ASTL: variants seen among roughly 807,000 people sequenced by gnomAD.
The protein encoded by ASTL is astacin like metalloendopeptidase, also known as astacin-like metalloendopeptidase.
ASTL carries 27 observed loss-of-function variants against 36.7 expected under a neutral mutation model. The observed-to-expected ratio is 0.73, with a 90% CI of 0.54 to 1.01. The LOEUF (loss-of-function observed/expected upper bound fraction) is 1.01, where lower values mean the gene tolerates loss of function less well. Ranked by LOEUF, ASTL falls within the 50% of genes least tolerant of loss-of-function variation. The pLI, the probability that ASTL is intolerant of heterozygous loss-of-function variation, is 0.00. For synonymous variants in ASTL, 222 were observed against 228.1 expected (o/e 0.97, Z 0.24); for missense variants, 524 against 572.8 (o/e 0.91, Z 0.87).
intron 8 of ASTL, among the ~76,000 whole-genome samples, chr2:96,127,975 G>C (rs1011426926): frequency 6.6e-6 from 1 of 152,170 alleles, no homozygotes; most frequent in Non-Finnish European, 1.5e-5. Flanking sequence ...GCTCACACCT[G>C]TAATCCCAGC....
Position 96,133,312 on chromosome 2 carries a change from G to C in ASTL, c.455+113C>G, listed in dbSNP as rs1156776464. 4.9e-6 allele frequency: 4 copies of C among 813,362 alleles called. No homozygotes were observed. In the African/African-American group the frequency reaches 6.7e-5, roughly 14 times the overall value. The allele number at this position is 813,362 out of a possible 1,614,324, so 50.4% of individuals were successfully genotyped here. On this transcript the variant is annotated intron_variant, in intron 5 of 8. Coordinates refer to ENST00000342380, the MANE Select transcript of ASTL (RefSeq NM_001002036.4). ...TTGGCAGACCCCTCAGGGTGGGCAG[G>C]GAGACTGAGCCCTGGAGGATGGGCC...
chr2:96,135,006 C>G (rs1447781192), intron 3 of ASTL, among the ~76,000 whole-genome samples: 1 of 152,214 alleles, frequency 6.6e-6, no homozygotes, highest in East Asian at 1.9e-4. Context: ...ACTGGCCACT[C>G]TGCCAACCCT....
At position 96,132,156 on chromosome 2, in the gene ASTL, C is replaced by T. The variant is rs1228707151; in HGVS notation, c.637+384G>A. Among the ~76,000 whole-genome samples the T allele has an allele frequency of 1.3e-5, 2 of 152,230 alleles. No individual in the cohort carries two copies. Among genetic ancestry groups the T allele is most frequent in the Non-Finnish European group, 2.9e-5 (2 of 68,044 alleles). On this transcript the variant is annotated intron_variant, in intron 6 of 8. Transcript: ENST00000342380. The surrounding 1 kb of genome is among the most constrained non-coding windows in gnomAD (Gnocchi z 5.4). ...TTTGGCTCAGCTCCCCAAGCTGGCA[C>T]ACAGCCCCAGTCCATGGTGGTGGTA...
chr2:96,135,061 C>T (rs777811071), intron 3 of ASTL, among the ~76,000 whole-genome samples: 31 of 152,242 alleles, frequency 2.0e-4, no homozygotes, highest in Non-Finnish European at 2.2e-4. Context: ...GTGCTGAGCA[C>T]CTCCCCTGGG....
rs575107981 is a variant in ASTL at position 96,132,655 on chromosome 2, C to T, written c.522G>A (p.Gln174=). The change falls in exon 6 of 9, where the codon CAG becomes CAA. Residue 174 remains glutamine (Q), a synonymous_variant. Transcript: ENST00000342380. The surrounding 1 kb of genome is among the most constrained non-coding windows in gnomAD (Gnocchi z 5.4). Reference sequence around the variant, plus strand: ...CATGAAGGACAATGCCCCGGCCCTTCTGGAGACACGTGGGCGCCAGGGAGA... The same window carrying T: ...CATGAAGGACAATGCCCCGGCCCTTTTGGAGACACGTGGGCGCCAGGGAGA... ...QVVSLAPTCL[Q]KGRGIVLHEL... is the part of the protein sequence containing the mutation. 2.5e-6 allele frequency: 4 copies of T among 1,613,626 alleles called. No individual in the cohort carries two copies. The highest frequency in any genetic ancestry group is 1.1e-5 in the South Asian group (1 of 91,080).
chr2:96,126,276 G>T (rs1010313588), intron 8 of ASTL, among the ~76,000 whole-genome samples: 12 of 152,222 alleles, frequency 7.9e-5, no homozygotes, highest in African/African-American at 2.7e-4. Flanking sequence ...TCTGATGAGG[G>T]ACATGTGTCT....
intron 3 of ASTL, 107 bp downstream of exon 3, chr2:96,135,244 T>C: frequency 1.2e-6 from 1 of 837,658 alleles, no homozygotes; most frequent in Non-Finnish European, 2.0e-6. Flanking sequence ...TACCAAGCTA[T>C]GTATGTCCCT....
At chr2:96,134,240 A>G (rs1229374428) in intron 3 of ASTL, among the ~76,000 whole-genome samples, 182 bp from the exon 4 acceptor site, 1 of 152,214 alleles carries the variant, frequency 6.6e-6, no homozygotes, top group Non-Finnish European at 1.5e-5. Flanking sequence ...CAGCTACATG[A>G]ACCTTGATGC....
chr2:96,130,172 A>C, intron 6 of ASTL, 27 bp from the exon 7 acceptor site: 1 of 1,574,914 alleles, frequency 6.3e-7, no homozygotes, highest in Non-Finnish European at 8.7e-7. Flanking sequence ...AATACAACTT[A>C]CTGATATATA....
Position 96,132,393 on chromosome 2 carries a change from C to T in ASTL, c.637+147G>A, listed in dbSNP as rs1024066340. The stretch of plus-strand genomic sequence containing the variant: ...CCACCTCCAGGTACCAGGTACCAGA[C>T]AGAAGTGAGACCCCCACCTTCCCCA... On this transcript the variant is annotated intron_variant, in intron 6 of 8. Transcript: ENST00000342380. This position sits in a 1 kb window ranked among gnomAD's most constrained non-coding sequence, Gnocchi z 5.4. 1 of 714,322 alleles carries T rather than the reference C, an allele frequency of 1.4e-6. No individual in the cohort carries two copies. Among genetic ancestry groups the T allele is most frequent in the Non-Finnish European group, 2.2e-6 (1 of 446,856 alleles). The allele number at this position is 714,322 out of a possible 1,614,324, so 44.2% of individuals were successfully genotyped here. A position where few individuals can be genotyped will look rare whatever the true frequency, so the allele number is the denominator to read the frequency against.
At chr2:96,137,748 G>A (rs368941593) in intron 1 of ASTL, 48 bp from the exon 2 acceptor site, 45 of 1,578,726 alleles carry the variant, frequency 2.9e-5, no homozygotes, top group African/African-American at 9.4e-5. Context: ...AGCACCCACC[G>A]GTGAGACCAG....
chr2:96,125,106 T>C (rs904585129), intron 8 of ASTL, among the ~76,000 whole-genome samples: 3 of 152,120 alleles, frequency 2.0e-5, no homozygotes, highest in Non-Finnish European at 4.4e-5. Context: ...AGCATCATCC[T>C]ACACCAGCCC....
At chr2:96,131,782 C>T (rs542855260) in intron 6 of ASTL, among the ~76,000 whole-genome samples, 9 of 152,264 alleles carry the variant, frequency 5.9e-5, no homozygotes, top group South Asian at 4.1e-4. Context: ...TCGTGCTGGA[C>T]GCCCTCCACC....
intron 8 of ASTL, among the ~76,000 whole-genome samples, chr2:96,129,047 A>G (rs915305435): frequency 6.6e-6 from 1 of 152,190 alleles, no homozygotes; most frequent in Non-Finnish European, 1.5e-5. Flanking sequence ...CTTTAAAAAA[A>G]AAAAAGAAAA....
intron 8 of ASTL, among the ~76,000 whole-genome samples, chr2:96,129,106 GATTA>G (rs1682118323): frequency 6.6e-6 from 1 of 151,534 alleles, no homozygotes; most frequent in Non-Finnish European, 1.5e-5. Flanking sequence ...GGAATTTATA[GATTA>G]ATTTGGGAAG....
At chr2:96,138,286 C>G (rs1276795259) in intron 1 of ASTL, 96 bp downstream of exon 1, 3 of 1,195,082 alleles carry the variant, frequency 2.5e-6, no homozygotes, top group Non-Finnish European at 3.6e-6. Flanking sequence ...CTGAGCTCAG[C>G]TACAATCCCT....
intron 8 of ASTL, 139 bp downstream of exon 8, chr2:96,129,685 C>T: frequency 1.4e-6 from 1 of 702,504 alleles, no homozygotes; most frequent in Non-Finnish European, 2.2e-6. Context: ...AGTGCTTGTT[C>T]TGCGTCGTTG....
intron 8 of ASTL, among the ~76,000 whole-genome samples, chr2:96,126,712 C>T (rs866589623): frequency 3.9e-5 from 6 of 152,068 alleles, no homozygotes; most frequent in Middle Eastern, 3.4e-3. Context: ...AAAAATTAGC[C>T]GGGCATGGTG....
rs200446698 is a variant in ASTL, at chr2:96,124,008, C to T, written c.1138G>A (p.Gly380Ser). The change falls in exon 9 of 9, where the codon GGT (glycine) becomes AGT (serine). Residue 380 changes from glycine (G) to serine (S), a missense_variant. Physicochemically the swap from Gly to Ser is moderately conservative, Grantham distance 56. Coordinates refer to ENST00000342380, the MANE Select transcript of ASTL (RefSeq NM_001002036.4). The surrounding 1 kb of genome is among the most constrained non-coding windows in gnomAD (Gnocchi z 4.1). ...PRSRPGAGAP[G>S]VAQEQSWLAG... ...AGCCAGGACTGCTCCTGAGCAACAC[C>T]GGGGGCACCTGCTCCAGGCCTTGAT... 58 of 1,613,888 alleles carry T rather than the reference C, an allele frequency of 3.6e-5. No homozygotes were observed. The highest frequency in any genetic ancestry group is 2.3e-4 in the African/African-American group (17 of 74,922).
Sources: gnomAD v4.1 joint callset for allele counts (sites outside exome capture counted in the v4.1 genomes callset) on GRCh38, gnomAD v4.1.1 for gene constraint, Gnocchi (gnomAD v3.1) non-coding constraint, MANE v1.5 for transcripts, NCBI Gene and HGNC (gene_info 2026-07-23, HGNC 2026-07-21) for gene names.